Variants in TTC28 observed in about 807,000 individuals in gnomAD.
TTC28 encodes tetratricopeptide repeat domain 28.
In TTC28, 61 loss-of-function variants were observed where a neutral mutation model predicts 198.0. The observed-to-expected ratio is 0.31, with a 90% confidence interval of 0.25 to 0.38. TTC28 has a LOEUF of 0.38. Among genes scored for constraint, TTC28 ranks in the 10% least tolerant of loss-of-function variants. TTC28 has a pLI of 1.00. For missense variants in TTC28, 2,678 were observed against 3,164.0 expected, an observed-to-expected ratio of 0.85 and a Z score of 3.69; for synonymous variants, 1,171 against 1,297.8, an observed-to-expected ratio of 0.90 and a Z score of 2.10.
chr22:28,445,256 T>C (rs539220851), intron 2 of TTC28, among the ~76,000 whole-genome samples: 1 of 152,282 alleles, frequency 6.6e-6, no homozygotes, highest in African/African-American at 2.4e-5. Flanking sequence ...GATAGAAAGG[T>C]ATAAGACTAA....
intron 2 of TTC28, among the ~76,000 whole-genome samples, chr22:28,390,027 A>T (rs1440690168): frequency 6.7e-6 from 1 of 149,982 alleles, no homozygotes; most frequent in East Asian, 2.0e-4. Flanking sequence ...TGTCCCAGAG[A>T]TTCTGGTATG....
intron 12 of TTC28, among the ~76,000 whole-genome samples, chr22:28,063,199 T>C (rs572625194): frequency 1.3e-5 from 2 of 152,312 alleles, no homozygotes; most frequent in African/African-American, 2.4e-5. Flanking sequence ...GCCAGAGATA[T>C]GGGCAGAGTT....
At chr22:28,125,142 T>G (rs1392482426) in intron 6 of TTC28, among the ~76,000 whole-genome samples, 1 of 152,184 alleles carries the variant, frequency 6.6e-6, no homozygotes, top group Non-Finnish European at 1.5e-5. Flanking sequence ...GGATGCAAAG[T>G]TACTAATCAT....
At chr22:28,461,778 T>C (rs1462120427) in intron 2 of TTC28, among the ~76,000 whole-genome samples, 1 of 152,118 alleles carries the variant, frequency 6.6e-6, no homozygotes, top group African/African-American at 2.4e-5. Flanking sequence ...CTCTCACCAA[T>C]CCTGTCCTCC....
chr22:28,123,122 A>G (rs16986037), intron 6 of TTC28, among the ~76,000 whole-genome samples: 10,765 of 152,322 alleles, frequency 0.071, 441 homozygotes, highest in South Asian at 0.093. Flanking sequence ...GCTCACTGAA[A>G]TATGGGAGCA....
At chr22:28,098,815 A>T (rs981187047) in intron 10 of TTC28, 100 bp downstream of exon 10, 14 of 1,406,238 alleles carry the variant, frequency 1.0e-5, no homozygotes, top group Admixed American at 2.6e-5. Flanking sequence ...ACAACAAATC[A>T]TATTTCTTCA....
At chr22:28,461,177 T>C (rs1340980611) in intron 2 of TTC28, among the ~76,000 whole-genome samples, 2 of 152,228 alleles carry the variant, frequency 1.3e-5, no homozygotes, top group South Asian at 2.1e-4. Flanking sequence ...TTCTAAAACT[T>C]TGTTAAAGGC....
rs185669550 is a variant in TTC28, at chr22:28,299,875, C to T, written c.530-2023G>A. 1.9e-3 allele frequency among the ~76,000 whole-genome samples: 295 copies of T among 152,264 alleles called. 1 individual carries two copies. Among genetic ancestry groups the T allele is most frequent in the Middle Eastern group, 6.8e-3 (2 of 294 alleles). ...ACCAGGCAAGATTCTTAGTTGCTAG[C>T]AACATACACCAATCTTGGCTGCTTG... On this transcript the variant is annotated intron_variant, in intron 3 of 22. Transcript: ENST00000397906.
intron 12 of TTC28, among the ~76,000 whole-genome samples, chr22:28,044,645 T>C (rs960120243): frequency 6.6e-6 from 1 of 152,140 alleles, no homozygotes; most frequent in Admixed American, 6.5e-5. Context: ...GATGTTCCCC[T>C]TCCTGTGTCC....
intron 2 of TTC28, among the ~76,000 whole-genome samples, chr22:28,359,532 T>C (rs965083007): frequency 6.6e-6 from 1 of 152,242 alleles, no homozygotes; most frequent in African/African-American, 2.4e-5. Context: ...CCTCTGTATA[T>C]GCTTCAGTTT....
At position 28,482,193 on chromosome 22, in the gene TTC28, T is replaced by G. The variant is rs548190305; in HGVS notation, c.381+147359A>C. Among the ~76,000 whole-genome samples, 22 of 148,486 alleles carry G rather than the reference T, an allele frequency of 1.5e-4. 1 individual carries two copies. In the South Asian group the frequency reaches 4.7e-3, roughly 32 times the overall value. ...CTCCATTTTGCTTAGCTAGTAGAGATAGTAATGGGCAGTCTTTTTTTTTTT... is the reference window on the plus strand; with the variant it reads ...CTCCATTTTGCTTAGCTAGTAGAGAGAGTAATGGGCAGTCTTTTTTTTTTT... On this transcript the variant is annotated intron_variant, in intron 2 of 22. Transcript: ENST00000397906.
chr22:28,378,135 G>A (rs1264800538), intron 2 of TTC28, among the ~76,000 whole-genome samples: 2 of 151,988 alleles, frequency 1.3e-5, no homozygotes, highest in Non-Finnish European at 1.5e-5. Flanking sequence ...TCAAGGCCAG[G>A]AGTTCAATAC....
At chr22:28,095,330 C>G (rs1487096053) in intron 11 of TTC28, among the ~76,000 whole-genome samples, 5 of 150,366 alleles carry the variant, frequency 3.3e-5, no homozygotes, top group Non-Finnish European at 7.4e-5. Flanking sequence ...CACAAATGCT[C>G]AGAGCCTAAA....
In TTC28 at chr22:28,573,467, T is replaced by A. The variant is rs555496541; in HGVS notation, c.381+56085A>T. On this transcript the variant is annotated intron_variant, in intron 2 of 22. Transcript: ENST00000397906. ...GATTCTGTCTCAAAAAAATAAAAAATAATAATAATAATAAATAAATAAGAG... is the reference window on the plus strand; with the variant it reads ...GATTCTGTCTCAAAAAAATAAAAAAAAATAATAATAATAAATAAATAAGAG... Among the ~76,000 whole-genome samples, 18 of 151,212 alleles carry A rather than the reference T, an allele frequency of 1.2e-4. 1 individual carries two copies. Among genetic ancestry groups the A allele is most frequent in the Admixed American group, 3.3e-4 (5 of 15,176 alleles).
intron 2 of TTC28, among the ~76,000 whole-genome samples, chr22:28,534,684 C>T (rs963596216): frequency 6.6e-6 from 1 of 152,134 alleles, no homozygotes; most frequent in African/African-American, 2.4e-5. Context: ...CAATGATAGA[C>T]TTGATTAAGA....
At chr22:28,279,278 T>G (rs1693206991) in intron 5 of TTC28, among the ~76,000 whole-genome samples, 1 of 152,240 alleles carries the variant, frequency 6.6e-6, no homozygotes, top group African/African-American at 2.4e-5. Flanking sequence ...CCCTAAATAC[T>G]TCAGCATGTA....
chr22:28,482,259 T>C (rs929737130), intron 2 of TTC28, among the ~76,000 whole-genome samples: 1 of 125,964 alleles, frequency 7.9e-6, no homozygotes, highest in African/African-American at 3.0e-5. Context: ...TCTCCCAGTG[T>C]GGAGTGCAGT....
In TTC28 at chr22:28,679,762, G is replaced by C; in HGVS notation, c.-39C>G. 1.4e-5 allele frequency: 15 copies of C among 1,110,444 alleles called. No individual in the cohort carries two copies. The highest frequency in any genetic ancestry group is 1.6e-5 in the African/African-American group (1 of 60,648). 68.8% of individuals were successfully genotyped at this position (1,110,444 alleles called of 1,614,324 possible). ...GGGCCGCGTCCGCCTCGAGCTAACG[G>C]TCCCGCCAGCTAGGCGCGCGCGCCG... On this transcript the variant is annotated 5_prime_UTR_variant, in exon 1 of 23. Coordinates refer to ENST00000397906, the MANE Select transcript of TTC28 (RefSeq NM_001145418.2).
chr22:28,534,367 C>G (rs2049216260), intron 2 of TTC28, among the ~76,000 whole-genome samples: 1 of 152,126 alleles, frequency 6.6e-6, no homozygotes, highest in South Asian at 2.1e-4. Flanking sequence ...AATGAGATAC[C>G]ATCTCACACC....
Sources: allele counts gnomAD v4.1 joint callset (sites outside exome capture counted in the v4.1 genomes callset), GRCh38; gene constraint gnomAD v4.1.1; transcripts MANE v1.5; gene names NCBI Gene and HGNC (gene_info 2026-07-23, HGNC 2026-07-21).